AOAH: variants seen among roughly 807,000 people sequenced by gnomAD.
The protein encoded by AOAH is acyloxyacyl hydrolase, also known as acyloxyacyl hydrolase (neutrophil).
A neutral mutation model predicts 92.2 loss-of-function variants in AOAH; 64 were observed. The observed-to-expected ratio is 0.69, with a 90% CI of 0.57 to 0.86. The LOEUF is 0.86. AOAH is among the 40% of genes least tolerant of loss of function. The pLI is 0.00. For synonymous variants in AOAH, 263 were observed against 254.5 expected (o/e 1.03, Z -0.32); for missense variants, 656 against 694.6 (o/e 0.94, Z 0.62).
intron 3 of AOAH, among the ~76,000 whole-genome samples, chr7:36,670,010 C>G (rs1208796632): frequency 6.6e-6 from 1 of 152,132 alleles, no homozygotes; most frequent in Admixed American, 6.5e-5. Flanking sequence ...AGTAGCTCCT[C>G]CCTGCATGAC....
chr7:36,682,487 A>G (rs549091172), intron 2 of AOAH, among the ~76,000 whole-genome samples: 1 of 152,342 alleles, frequency 6.6e-6, no homozygotes, highest in East Asian at 1.9e-4. Context: ...AAGGAACAGA[A>G]TAACATCCCT....
chr7:36,524,764 G>C (rs867435487), intron 19 of AOAH, among the ~76,000 whole-genome samples: 1 of 151,496 alleles, frequency 6.6e-6, no homozygotes, highest in East Asian at 1.9e-4. Flanking sequence ...ACCATGTGAG[G>C]ATATGATGAG....
intron 2 of AOAH, 53 bp from the exon 3 acceptor site, chr7:36,674,062 C>T: frequency 1.0e-6 from 1 of 998,668 alleles, no homozygotes; most frequent in Non-Finnish European, 1.6e-6. Flanking sequence ...ACGAATTTAA[C>T]ACACCTTAAT....
At chr7:36,515,511 C>CCAAACACCACACA (rs56834392) in intron 20 of AOAH, among the ~76,000 whole-genome samples, 53,882 of 58,316 alleles carry the variant, frequency 0.92, 25,773 homozygotes, top group Non-Finnish European at 0.99. Context: ...AAACACACCC[C>CCAAACACCACACA]CAAACACCAC....
intron 19 of AOAH, among the ~76,000 whole-genome samples, chr7:36,528,406 C>A (rs111865250): frequency 1.1e-4 from 16 of 152,212 alleles, no homozygotes; most frequent in African/African-American, 3.9e-4. Flanking sequence ...ATCAGTTCAC[C>A]AGTGGAATTC....
At chr7:36,557,219 G>T (rs1472419739) in intron 13 of AOAH, among the ~76,000 whole-genome samples, 6 of 152,068 alleles carry the variant, frequency 3.9e-5, no homozygotes, top group Non-Finnish European at 8.8e-5. Flanking sequence ...ATCTGTAAAG[G>T]ATTTTATTTC....
chr7:36,527,169 G>A (rs148943998), intron 19 of AOAH, among the ~76,000 whole-genome samples: 14 of 152,270 alleles, frequency 9.2e-5, no homozygotes, highest in African/African-American at 2.6e-4. Flanking sequence ...GAAAGTCTTT[G>A]GAGATGAGTA....
rs1474223898 is a variant in AOAH at position 36,517,212 on chromosome 7, T to TTCTTTCTTTCTTTC, written c.1600-3833_1600-3832insGAAAGAAAGAAAGA. On this transcript the variant is annotated intron_variant, in intron 20 of 20. Transcript: ENST00000617537. ...TTTCTTTCTTTCTTTCTTTCTTTCT[T>TTCTTTCTTTCTTTC]TCTCTTTCTTTCTGTCTCTCTCTCT... Among the ~76,000 whole-genome samples, 105 of 21,160 alleles carry TTCTTTCTTTCTTTC rather than the reference T, an allele frequency of 5.0e-3. 2 individuals carry two copies. The highest frequency in any genetic ancestry group is 0.018 in the Middle Eastern group (1 of 56). 13.9% of individuals were successfully genotyped at this position (21,160 alleles called of 152,430 possible).
At chr7:36,629,646 A>T (rs1792929766) in intron 6 of AOAH, among the ~76,000 whole-genome samples, 2 of 152,212 alleles carry the variant, frequency 1.3e-5, no homozygotes, top group Non-Finnish European at 2.9e-5. Flanking sequence ...GGCTTATGCC[A>T]GAAGATTGGC....
At chr7:36,552,512 A>C (rs548752337) in intron 13 of AOAH, among the ~76,000 whole-genome samples, 1 of 152,322 alleles carries the variant, frequency 6.6e-6, no homozygotes, top group Non-Finnish European at 1.5e-5. Flanking sequence ...CCCATTGGGT[A>C]TATAACCATA....
intron 12 of AOAH, among the ~76,000 whole-genome samples, chr7:36,591,622 T>C (rs892956401): frequency 1.3e-5 from 2 of 152,202 alleles, no homozygotes; most frequent in South Asian, 4.1e-4. Flanking sequence ...CTGATCAGGA[T>C]GATGGGTAAA....
At chr7:36,638,371 G>C (rs530609932) in intron 4 of AOAH, among the ~76,000 whole-genome samples, 4 of 152,342 alleles carry the variant, frequency 2.6e-5, no homozygotes, top group African/African-American at 9.6e-5. Context: ...GTGAAGAATG[G>C]CTGATTGTTG....
intron 3 of AOAH, among the ~76,000 whole-genome samples, chr7:36,673,687 C>T (rs555761628): frequency 1.1e-3 from 174 of 152,266 alleles, no homozygotes; most frequent in African/African-American, 3.9e-3. Flanking sequence ...TCCAGGGAGG[C>T]GGAGAGGGCT....
intron 11 of AOAH, among the ~76,000 whole-genome samples, chr7:36,615,806 T>A (rs1400368460): frequency 6.6e-6 from 1 of 152,040 alleles, no homozygotes; most frequent in Non-Finnish European, 1.5e-5. Context: ...TGATATAGAG[T>A]CAATAAATGT....
At chr7:36,584,547 A>G (rs981312942) in intron 12 of AOAH, among the ~76,000 whole-genome samples, 6 of 152,146 alleles carry the variant, frequency 3.9e-5, no homozygotes, top group Non-Finnish European at 8.8e-5. Context: ...TACTGAATTG[A>G]TGTTTCTTTT....
At chr7:36,536,362 C>T (rs1265778662) in intron 16 of AOAH, among the ~76,000 whole-genome samples, 1 of 152,104 alleles carries the variant, frequency 6.6e-6, no homozygotes, top group Non-Finnish European at 1.5e-5. Flanking sequence ...ATAAATGGAC[C>T]TCACCCTCTT....
chr7:36,690,190 G>C (rs1370825896), intron 1 of AOAH: 2 of 448,868 alleles, frequency 4.5e-6, no homozygotes, highest in Admixed American at 4.8e-5. Context: ...GCTAAAATTG[G>C]AAAATCATTA....
Position 36,632,025 on chromosome 7 carries a change from T to C in AOAH, c.521+11A>G. 2 of 1,604,224 alleles carry C rather than the reference T, an allele frequency of 1.2e-6. No homozygotes were observed. The highest frequency in any genetic ancestry group is 1.7e-6 in the Non-Finnish European group (2 of 1,173,884). On this transcript the variant is annotated intron_variant, in intron 6 of 20. Transcript: ENST00000617537. ...TGCTAGTGCTCAGGAAGGTAGAAAT[T>C]GTATACATACAATTTAATTTTCTGG...
At chr7:36,540,586 G>A (rs1049180325) in intron 15 of AOAH, 95 bp from the exon 16 acceptor site, 35 of 1,022,770 alleles carry the variant, frequency 3.4e-5, no homozygotes, top group Middle Eastern at 2.5e-4. Flanking sequence ...ACACACATAC[G>A]CACACACACA....
Sources: gnomAD v4.1 joint callset for allele counts (sites outside exome capture counted in the v4.1 genomes callset) on GRCh38, gnomAD v4.1.1 for gene constraint, MANE v1.5 for transcripts, NCBI Gene and HGNC (gene_info 2026-07-23, HGNC 2026-07-21) for gene names.